TENM2: variants seen among roughly 807,000 people sequenced by gnomAD.
The protein encoded by TENM2 is teneurin-2.
A neutral mutation model predicts 245.2 loss-of-function variants in TENM2; 52 were observed. The ratio of observed to expected loss-of-function variants is 0.21; its 90% CI spans 0.17 to 0.27. TENM2 has a LOEUF of 0.27. Among genes scored for constraint, TENM2 ranks in the 10% least tolerant of loss-of-function variants. The pLI is 1.00. For synonymous variants in TENM2, 1,363 were observed against 1,438.9 expected (o/e 0.95, Z 1.19); for missense variants, 3,046 against 3,666.8 (o/e 0.83, Z 4.37).
intron 2 of TENM2, among the ~76,000 whole-genome samples, chr5:167,615,036 G>A (rs1777706368): frequency 6.6e-6 from 1 of 152,098 alleles, no homozygotes; most frequent in African/African-American, 2.4e-5. Flanking sequence ...ATGTAAACGA[G>A]GACTCTAAGG....
In TENM2 at chr5:168,244,616, G is replaced by A. The variant is rs574223894; in HGVS notation, c.5717G>A (p.Arg1906His). Reference sequence around the variant, plus strand: ...AATGGGCGCCTGGCTGGGCTTCAGCGTGGGGCCATGAGCGAGAGGACAGAC... The same window carrying A: ...AATGGGCGCCTGGCTGGGCTTCAGCATGGGGCCATGAGCGAGAGGACAGAC... Residue 1906 changes from arginine (R) to histidine (H), a missense_variant, in exon 26 of 29, where the codon CGT (arginine) becomes CAT (histidine). By Grantham distance (29) the Arg-to-His change is conservative. Around this residue, in one of 2 missense-constraint regions of TENM2, gnomAD observed 2,704 missense variants for 3,331.9 expected, o/e 0.81. Transcript: ENST00000518659. The surrounding 1 kb of genome is among the most constrained non-coding windows in gnomAD (Gnocchi z 4.9). 19 of 1,599,958 alleles carry A rather than the reference G, an allele frequency of 1.2e-5. No individual in the cohort carries two copies. The highest frequency in any genetic ancestry group is 2.2e-5 in the South Asian group (2 of 89,508).
intron 4 of TENM2, among the ~76,000 whole-genome samples, chr5:167,975,834 A>G (rs1782398128): frequency 6.6e-6 from 1 of 150,592 alleles, no homozygotes; most frequent in Admixed American, 6.6e-5. Context: ...TGAGGGTTAA[A>G]AAAAAAAAAA....
At chr5:167,835,153 G>T (rs1308626848) in intron 2 of TENM2, among the ~76,000 whole-genome samples, 2 of 152,178 alleles carry the variant, frequency 1.3e-5, no homozygotes. Flanking sequence ...ATGAAATAAG[G>T]TTATGTTTAT....
At chr5:167,799,457 C>A (rs1005262207) in intron 2 of TENM2, among the ~76,000 whole-genome samples, 1 of 152,106 alleles carries the variant, frequency 6.6e-6, no homozygotes, top group African/African-American at 2.4e-5. Flanking sequence ...CTGGTGATGA[C>A]ATAAATGTCT....
At chr5:167,263,419 C>T in the TENM2 span, among the ~76,000 whole-genome samples, 1 of 152,144 alleles carries the variant, frequency 6.6e-6, no homozygotes. Flanking sequence ...AGAAACCCTG[C>T]TCCTTCCACC....
At chr5:167,946,825 T>C (rs559332499) in intron 3 of TENM2, among the ~76,000 whole-genome samples, 2 of 152,236 alleles carry the variant, frequency 1.3e-5, no homozygotes, top group East Asian at 3.9e-4. Context: ...TAGGAGTAAG[T>C]GGGAATATAT....
the TENM2 span, among the ~76,000 whole-genome samples, chr5:167,254,072 A>G: frequency 6.6e-6 from 1 of 151,820 alleles, no homozygotes; most frequent in Admixed American, 6.6e-5. Context: ...GCTGACGTAT[A>G]GGAAAAAGAA....
chr5:168,208,810 CTCTA>C (rs1319677520), intron 19 of TENM2, among the ~76,000 whole-genome samples: 9 of 152,050 alleles, frequency 5.9e-5, no homozygotes, highest in Admixed American at 2.6e-4. Context: ...ATTTCAGAGG[CTCTA>C]TCTAAGAAGA....
chr5:167,672,035 G>A (rs1482955869), intron 2 of TENM2, among the ~76,000 whole-genome samples: 1 of 151,904 alleles, frequency 6.6e-6, no homozygotes, highest in African/African-American at 2.4e-5. Flanking sequence ...CTGCTCTAAT[G>A]TAATATATGC....
At chr5:168,035,875 T>A (rs575939667) in intron 5 of TENM2, among the ~76,000 whole-genome samples, 1 of 152,266 alleles carries the variant, frequency 6.6e-6, no homozygotes, top group South Asian at 2.1e-4. Flanking sequence ...TCTTTAAAAT[T>A]GGGATAAAAA....
At chr5:167,544,726 A>G (rs1772441548) in intron 2 of TENM2, among the ~76,000 whole-genome samples, 1 of 152,228 alleles carries the variant, frequency 6.6e-6, no homozygotes, top group Admixed American at 6.5e-5. Context: ...GGAGACAGAC[A>G]CTAGGGAGTC....
chr5:167,452,415 A>T (rs773970912), intron 2 of TENM2, among the ~76,000 whole-genome samples: 3 of 152,106 alleles, frequency 2.0e-5, no homozygotes, highest in Admixed American at 6.6e-5. Context: ...CTCTTCTCTT[A>T]TGGTTGGGAA....
intron 2 of TENM2, among the ~76,000 whole-genome samples, chr5:167,838,421 A>G (rs1227854072): frequency 6.6e-6 from 1 of 152,188 alleles, no homozygotes; most frequent in South Asian, 2.1e-4. Flanking sequence ...GTTTCTTCAT[A>G]ACTTTTTGGA....
chr5:168,065,084 G>A (rs1328575848), intron 7 of TENM2, among the ~76,000 whole-genome samples: 1 of 152,182 alleles, frequency 6.6e-6, no homozygotes, highest in Non-Finnish European at 1.5e-5. Context: ...TGGCAGTCTA[G>A]CCAAGGTGAC....
the TENM2 span, among the ~76,000 whole-genome samples, chr5:167,252,739 A>G: frequency 6.6e-6 from 1 of 152,100 alleles, no homozygotes; most frequent in African/African-American, 2.4e-5. Context: ...GGTCTCTGCT[A>G]TATTGGCTCA....
chr5:167,601,945 A>G (rs1032988791), intron 2 of TENM2, among the ~76,000 whole-genome samples: 5 of 151,816 alleles, frequency 3.3e-5, no homozygotes, highest in African/African-American at 1.2e-4. Flanking sequence ...ATGGTGAAGG[A>G]TGGCAGGAGG....
chr5:168,201,353 C>G (rs935191662), intron 17 of TENM2, among the ~76,000 whole-genome samples: 2 of 151,300 alleles, frequency 1.3e-5, no homozygotes, highest in Non-Finnish European at 2.9e-5. Context: ...CATATATATA[C>G]ATATACATAT....
chr5:168,156,818 A>G (rs1297865348), intron 12 of TENM2, among the ~76,000 whole-genome samples: 2 of 151,962 alleles, frequency 1.3e-5, no homozygotes, highest in East Asian at 1.9e-4. Context: ...TTCGTTCATC[A>G]TTTCCCCCAA....
Position 167,284,888 on chromosome 5 carries a change from C to T in TENM2, c.51C>T (p.Gly17=), listed in dbSNP as rs1771246542. 3 of 1,551,744 alleles carry T rather than the reference C, an allele frequency of 1.9e-6. No individual in the cohort carries two copies. The South Asian group carries it at 3.6e-5, about 18-fold the overall frequency. The change falls in exon 1 of 29, where the codon GGC becomes GGT. Residue 17 remains glycine, a synonymous_variant. Transcript: ENST00000518659. ...GCTCTTTGACCAGAGGACGCTGTGG[C>T]AAAGAGTGTCGCTACACAAGCTCCT... is the stretch of plus-strand genomic sequence containing the variant.
Sources: allele counts gnomAD v4.1 joint callset (sites outside exome capture counted in the v4.1 genomes callset), GRCh38; gene constraint gnomAD v4.1.1; regional missense constraint gnomAD v4.1.1; non-coding constraint Gnocchi (gnomAD v3.1); transcripts MANE v1.5; gene names NCBI Gene and HGNC (gene_info 2026-07-23, HGNC 2026-07-21).